The following ELP4 variants were observed in gnomAD, a reference collection of about 807,000 sequenced individuals.
The protein encoded by ELP4 is elongator acetyltransferase complex subunit 4.
A neutral mutation model predicts 48.9 loss-of-function variants in ELP4; 51 were observed. The ratio of observed to expected loss-of-function variants is 1.04; its 90% CI spans 0.83 to 1.32. The LOEUF (loss-of-function observed/expected upper bound fraction) is 1.32, where lower values mean the gene tolerates loss of function less well. Ranked by LOEUF, ELP4 falls within the 40% of genes most tolerant of loss-of-function variation. ELP4 has a pLI of 0.00. For missense variants in ELP4, 519 were observed against 514.6 expected, an observed-to-expected ratio of 1.01 and a Z score of -0.08; for synonymous variants, 210 against 189.2, an observed-to-expected ratio of 1.11 and a Z score of -0.90.
At chr11:31,516,040 G>T (rs1956105867) in intron 1 of ELP4, among the ~76,000 whole-genome samples, 1 of 152,096 alleles carries the variant, frequency 6.6e-6, no homozygotes, top group Non-Finnish European at 1.5e-5. Context: ...GTGAAACCAG[G>T]AGGCGGAGCT....
At chr11:31,623,947 CAT>C (rs1944684059) in intron 5 of ELP4, among the ~76,000 whole-genome samples, 1 of 151,626 alleles carries the variant, frequency 6.6e-6, no homozygotes, top group Non-Finnish European at 1.5e-5. Flanking sequence ...ATGGCCAACA[CAT>C]ATATGAAAAA....
chr11:31,732,927 A>G (rs930753532), intron 9 of ELP4, among the ~76,000 whole-genome samples: 1 of 152,210 alleles, frequency 6.6e-6, no homozygotes, highest in Non-Finnish European at 1.5e-5. Context: ...TGAAGCAAAC[A>G]GTGACAGAAC....
rs147550328 is a variant in ELP4 at position 31,541,878 on chromosome 11, A to T, written c.381+2095A>T. Reference sequence around the variant, plus strand: ...TATAAAATAGCCAGTCATTTATGCAAGTAATTGGGTGTTGCAAAGACTTAG... The same window carrying T: ...TATAAAATAGCCAGTCATTTATGCATGTAATTGGGTGTTGCAAAGACTTAG... On this transcript the variant is annotated intron_variant, in intron 3 of 9. Coordinates refer to ENST00000640961, the MANE Select transcript of ELP4 (RefSeq NM_019040.5). 2.6e-4 allele frequency among the ~76,000 whole-genome samples: 40 copies of T among 152,328 alleles called. 1 individual carries two copies. The highest frequency in any genetic ancestry group is 9.4e-4 in the African/African-American group (39 of 41,568).
At chr11:31,532,165 T>G (rs952379080) in intron 2 of ELP4, among the ~76,000 whole-genome samples, 1 of 152,152 alleles carries the variant, frequency 6.6e-6, no homozygotes, top group Admixed American at 6.5e-5. Flanking sequence ...ACCAAATAAC[T>G]TAACGAATTA....
intron 9 of ELP4, among the ~76,000 whole-genome samples, chr11:31,729,745 A>C (rs186548760): frequency 2.3e-4 from 35 of 152,222 alleles, no homozygotes; most frequent in African/African-American, 8.4e-4. Context: ...AAAATTGGTT[A>C]TCAGTATGAG....
At chr11:31,757,896 A>C (rs1179616816) in intron 9 of ELP4, among the ~76,000 whole-genome samples, 1 of 152,228 alleles carries the variant, frequency 6.6e-6, no homozygotes, top group East Asian at 1.9e-4. Flanking sequence ...AAAGAAATGT[A>C]ACAGACTTTC....
chr11:31,619,015 T>C (rs557140831), intron 5 of ELP4, among the ~76,000 whole-genome samples: 9 of 152,116 alleles, frequency 5.9e-5, no homozygotes, highest in African/African-American at 2.2e-4. Context: ...GGAATGGATT[T>C]AAGTGAAAAT....
intron 7 of ELP4, among the ~76,000 whole-genome samples, chr11:31,635,119 C>A (rs1944946464): frequency 6.6e-6 from 1 of 151,778 alleles, no homozygotes; most frequent in Non-Finnish European, 1.5e-5. Flanking sequence ...TGTTCAAACC[C>A]ATCATTATAT....
chr11:31,731,344 A>G (rs1402810465), intron 9 of ELP4, among the ~76,000 whole-genome samples: 1 of 152,212 alleles, frequency 6.6e-6, no homozygotes, highest in Non-Finnish European at 1.5e-5. Context: ...GAGTATTTCA[A>G]CAAAGAAATA....
At chr11:31,657,173 T>C (rs1422952821) in intron 9 of ELP4, among the ~76,000 whole-genome samples, 1 of 152,052 alleles carries the variant, frequency 6.6e-6, no homozygotes, top group Non-Finnish European at 1.5e-5. Context: ...GATACTTTTG[T>C]ACCTAAAACA....
Position 31,789,855 on chromosome 11 carries a change from A to G in ELP4, c.*6331A>G. The G allele has an allele frequency of 7.6e-7, 1 of 1,313,100 alleles. No homozygotes were observed. Among genetic ancestry groups the G allele is most frequent in the Non-Finnish European group, 1.1e-6 (1 of 927,164 alleles). The allele number at this position is 1,313,100 out of a possible 1,614,324, so 81.3% of individuals were successfully genotyped here. A position where few individuals can be genotyped will look rare whatever the true frequency, so the allele number is the denominator to read the frequency against. Reference sequence around the variant, plus strand: ...ACAGCCATTTTTCTTTCTTTCCTGAAAGCTCAACTGTTGTGTCCCCATAGT... The same window carrying G: ...ACAGCCATTTTTCTTTCTTTCCTGAGAGCTCAACTGTTGTGTCCCCATAGT... On this transcript the variant is annotated 3_prime_UTR_variant, in exon 10 of 10. Coordinates refer to ENST00000640961, the MANE Select transcript of ELP4 (RefSeq NM_019040.5).
At chr11:31,651,596 T>G (rs1215620305) in intron 9 of ELP4, 1 of 151,798 alleles carries the variant, frequency 6.6e-6, no homozygotes, top group African/African-American at 2.4e-5. Context: ...CTGAGTAATG[T>G]ACCATAATAT....
At chr11:31,727,691 CATTATCT>C (rs1356967831) in intron 9 of ELP4, 1 of 152,096 alleles carries the variant, frequency 6.6e-6, no homozygotes, top group Non-Finnish European at 1.5e-5. Flanking sequence ...GAAATATGCC[CATTATCT>C]ATTATTATTG....
intron 7 of ELP4, among the ~76,000 whole-genome samples, chr11:31,643,100 C>T (rs1945131735): frequency 1.3e-5 from 2 of 151,680 alleles, no homozygotes; most frequent in Non-Finnish European, 2.9e-5. Context: ...ACTTGCTTTT[C>T]TTGTGGGTAC....
intron 3 of ELP4, among the ~76,000 whole-genome samples, chr11:31,582,298 T>C (rs1002279442): frequency 1.6e-4 from 25 of 152,242 alleles, no homozygotes; most frequent in Non-Finnish European, 3.7e-4. Flanking sequence ...GAAAGCACTT[T>C]AAAACATACT....
At chr11:31,524,223 G>A (rs137934117) in intron 2 of ELP4, among the ~76,000 whole-genome samples, 294 of 152,206 alleles carry the variant, frequency 1.9e-3, no homozygotes, top group African/African-American at 6.7e-3. Context: ...TGTAGGTCAG[G>A]AATCTAAGCA....
chr11:31,577,879 T>G lies in ELP4; in HGVS notation c.382-16891T>G, dbSNP rs190195159. 2.7e-3 allele frequency among the ~76,000 whole-genome samples: 418 copies of G among 152,280 alleles called. 3 individuals carry two copies. The highest frequency in any genetic ancestry group is 0.017 in the Middle Eastern group (5 of 294). ...AACTGGAAGCATTCCCTTTGAAAAC[T>G]GGCACAAGACATGGATGCCCTCTCT... On this transcript the variant is annotated intron_variant, in intron 3 of 9. Coordinates refer to ENST00000640961, the MANE Select transcript of ELP4 (RefSeq NM_019040.5).
chr11:31,591,878 T>C (rs1335192623), intron 3 of ELP4, among the ~76,000 whole-genome samples: 2 of 152,178 alleles, frequency 1.3e-5, no homozygotes, highest in African/African-American at 4.8e-5. Context: ...GATGAGTAGT[T>C]AATGTGGTAC....
chr11:31,527,072 C>T (rs1163829745), intron 2 of ELP4, among the ~76,000 whole-genome samples: 1 of 152,048 alleles, frequency 6.6e-6, no homozygotes, highest in Admixed American at 6.6e-5. Flanking sequence ...CTAGAGGATA[C>T]TTGTCAGCCC....
Sources: allele counts gnomAD v4.1 joint callset (sites outside exome capture counted in the v4.1 genomes callset), GRCh38; gene constraint gnomAD v4.1.1; transcripts MANE v1.5; gene names NCBI Gene and HGNC (gene_info 2026-07-23, HGNC 2026-07-21).